Variants in CELF2 observed in about 807,000 individuals in gnomAD.
The protein encoded by CELF2 is CUG triplet repeat RNA-binding protein 2.
A neutral mutation model predicts 62.6 loss-of-function variants in CELF2; 8 were observed. That is an observed-to-expected ratio of 0.13 (90% confidence interval 0.07 to 0.23). The LOEUF (loss-of-function observed/expected upper bound fraction) is 0.23. Among genes scored for constraint, CELF2 ranks in the 10% least tolerant of loss-of-function variants. The pLI is 1.00. For synonymous variants in CELF2, 258 were observed against 250.0 expected (o/e 1.03, Z -0.30); for missense variants, 333 against 671.0 (o/e 0.50, Z 5.56).
At chr10:10,783,436 CA>C in the CELF2 span, among the ~76,000 whole-genome samples, 1 of 152,140 alleles carries the variant, frequency 6.6e-6, no homozygotes, top group South Asian at 2.1e-4. Flanking sequence ...CAGAGAGTGG[CA>C]GAACAGATTC....
In CELF2 at chr10:11,165,951, G is replaced by A. The variant is rs1029720165; in HGVS notation, c.271+269G>A. Among the ~76,000 whole-genome samples, 2 of 152,252 alleles carry A rather than the reference G, an allele frequency of 1.3e-5. No individual in the cohort carries two copies. Among genetic ancestry groups the A allele is most frequent in the African/African-American group, 2.4e-5 (1 of 41,466 alleles). Reference sequence around the variant, plus strand: ...TCGGTCCAGGCGCGTGATCGCTCCCGGGAGGTCACTTTCTAGGCAGCCCAG... The same window carrying A: ...TCGGTCCAGGCGCGTGATCGCTCCCAGGAGGTCACTTTCTAGGCAGCCCAG... On this transcript the variant is annotated intron_variant, in intron 2 of 12. Coordinates refer to ENST00000633077, the MANE Select transcript of CELF2 (RefSeq NM_001326342.2). The surrounding 1 kb of genome is among the most constrained non-coding windows in gnomAD (Gnocchi z 7.4).
At chr10:10,901,590 T>C (rs2062941905) in intron 1 of CELF2, among the ~76,000 whole-genome samples, 1 of 152,218 alleles carries the variant, frequency 6.6e-6, no homozygotes, top group African/African-American at 2.4e-5. Flanking sequence ...AAAATGTCTG[T>C]GACTGAGTAG....
At chr10:11,085,149 CCCT>C (rs2141610010) in intron 1 of CELF2, among the ~76,000 whole-genome samples, 1 of 152,242 alleles carries the variant, frequency 6.6e-6, no homozygotes, top group African/African-American at 2.4e-5. Flanking sequence ...CTGTTCTTCC[CCCT>C]AAGTTAACAA....
intron 1 of CELF2, among the ~76,000 whole-genome samples, chr10:11,090,261 A>G (rs2047971311): frequency 1.3e-5 from 2 of 152,176 alleles, no homozygotes; most frequent in South Asian, 4.1e-4. Flanking sequence ...AGAAGAAGTA[A>G]TCGTGGAAGA....
intron 2 of CELF2, among the ~76,000 whole-genome samples, chr10:11,179,527 C>T (rs1242483749): frequency 6.6e-6 from 1 of 152,196 alleles, no homozygotes; most frequent in Admixed American, 6.5e-5. Context: ...CTCTGATCCA[C>T]CACTAACTTA....
At chr10:10,599,237 T>A in the CELF2 span, among the ~76,000 whole-genome samples, 1 of 152,290 alleles carries the variant, frequency 6.6e-6, no homozygotes, top group South Asian at 2.1e-4. Flanking sequence ...TCAATTGAAA[T>A]TTTGGCTCCA....
At chr10:10,740,122 C>A in the CELF2 span, among the ~76,000 whole-genome samples, 1 of 122,200 alleles carries the variant, frequency 8.2e-6, no homozygotes, top group Non-Finnish European at 1.7e-5. Flanking sequence ...TTTAGTTTAA[C>A]GTTTGTTTAT....
At chr10:11,100,721 T>C (rs1430290750) in intron 1 of CELF2, among the ~76,000 whole-genome samples, 10 of 152,138 alleles carry the variant, frequency 6.6e-5, no homozygotes, top group African/African-American at 1.4e-4. Context: ...CATTTTATAA[T>C]GTGAGATGTT....
intron 2 of CELF2, among the ~76,000 whole-genome samples, chr10:11,203,797 A>T (rs1350129141): frequency 6.6e-6 from 1 of 152,190 alleles, no homozygotes; most frequent in Non-Finnish European, 1.5e-5. Context: ...CTTTTAGGAC[A>T]TCCCCTCTTG....
chr10:11,160,224 G>C (rs1439546101), intron 1 of CELF2, among the ~76,000 whole-genome samples: 1 of 152,218 alleles, frequency 6.6e-6, no homozygotes, highest in African/African-American at 2.4e-5. Flanking sequence ...CTCTTGCTTT[G>C]TTTTACAAGT....
intron 1 of CELF2, among the ~76,000 whole-genome samples, chr10:10,868,846 G>T (rs1004733701): frequency 6.6e-6 from 1 of 152,210 alleles, no homozygotes; most frequent in Non-Finnish European, 1.5e-5. Flanking sequence ...AAAAAGGGAA[G>T]AATTTGTGGC....
At chr10:11,175,622 G>C (rs557474246) in intron 2 of CELF2, among the ~76,000 whole-genome samples, 2 of 152,318 alleles carry the variant, frequency 1.3e-5, no homozygotes, top group South Asian at 2.1e-4. Context: ...GCAGTCCCCA[G>C]GAGGGGGCCT....
At chr10:10,752,428 C>T in the CELF2 span, among the ~76,000 whole-genome samples, 2 of 151,970 alleles carry the variant, frequency 1.3e-5, no homozygotes, top group East Asian at 1.9e-4. Context: ...CAGTGGCTCA[C>T]GCCTGTAATC....
intron 1 of CELF2, among the ~76,000 whole-genome samples, chr10:11,088,507 A>G (rs1310926255): frequency 2.0e-5 from 3 of 152,188 alleles, no homozygotes; most frequent in Non-Finnish European, 2.9e-5. Flanking sequence ...CTGTGGTTTA[A>G]GAAGATGAAT....
rs964570406 is a variant in CELF2, at chr10:11,319,490, C to T, written c.1097-1699C>T. ...CATTTAGGGTAATTAGGACAGTCTG[C>T]ATCCAAGCTCTTTGGACAGCACTTA... On this transcript the variant is annotated intron_variant, in intron 10 of 12. Coordinates refer to ENST00000633077, the MANE Select transcript of CELF2 (RefSeq NM_001326342.2). The surrounding 1 kb of genome is among the most constrained non-coding windows in gnomAD (Gnocchi z 4.4). Among the ~76,000 whole-genome samples the T allele has an allele frequency of 3.3e-5, 5 of 152,156 alleles. No homozygotes were observed. Among genetic ancestry groups the T allele is most frequent in the Admixed American group, 1.3e-4 (2 of 15,284 alleles).
rs1233516417 is a variant in CELF2, at chr10:11,110,582, TCAGAGAGGAG to T, written c.75-54903_75-54894del. Among the ~76,000 whole-genome samples, 2 of 152,152 alleles carry T rather than the reference TCAGAGAGGAG, an allele frequency of 1.3e-5. No homozygotes were observed. The highest frequency in any genetic ancestry group is 2.4e-5 in the African/African-American group (1 of 41,424). ...GGAGGTCATGTCCCTAAGCAGAGCATCAGAGAGGAGAAGAGAGGAGGAGGCCTGGGTGGCA... is the reference window on the plus strand; with the variant it reads ...GGAGGTCATGTCCCTAAGCAGAGCATAAGAGAGGAGGAGGCCTGGGTGGCA... On this transcript the variant is annotated intron_variant, in intron 1 of 12. Transcript: ENST00000633077. The surrounding 1 kb of genome is among the most constrained non-coding windows in gnomAD (Gnocchi z 4.0).
the CELF2 span, among the ~76,000 whole-genome samples, chr10:10,792,184 A>T: frequency 6.6e-6 from 1 of 152,200 alleles, no homozygotes; most frequent in Non-Finnish European, 1.5e-5. Context: ...TTGATTGCTC[A>T]ACAAATGCTT....
Position 11,268,418 on chromosome 10 carries a change from T to C in CELF2, c.618+1741T>C, listed in dbSNP as rs1293538191. 1.3e-5 allele frequency among the ~76,000 whole-genome samples: 2 copies of C among 152,150 alleles called. No individual in the cohort carries two copies. Among genetic ancestry groups the C allele is most frequent in the African/African-American group, 2.4e-5 (1 of 41,432 alleles). ...CCTTCCCTTGGAGCCCCCCCAGTAA[T>C]GCTCAGAGAGCCACGGACAACCCAC... On this transcript the variant is annotated intron_variant, in intron 6 of 12. Coordinates refer to ENST00000633077, the MANE Select transcript of CELF2 (RefSeq NM_001326342.2). The surrounding 1 kb of genome is among the most constrained non-coding windows in gnomAD (Gnocchi z 4.7).
intron 2 of CELF2, among the ~76,000 whole-genome samples, chr10:10,960,658 T>C (rs2049396667): frequency 6.6e-6 from 1 of 152,232 alleles, no homozygotes; most frequent in Non-Finnish European, 1.5e-5. Flanking sequence ...TTAATAACAC[T>C]CTATTAAACA....
Sources: allele counts gnomAD v4.1 joint callset (sites outside exome capture counted in the v4.1 genomes callset), GRCh38; gene constraint gnomAD v4.1.1; non-coding constraint Gnocchi (gnomAD v3.1); transcripts MANE v1.5; gene names NCBI Gene and HGNC (gene_info 2026-07-23, HGNC 2026-07-21).